Variants in DUS3L observed in about 807,000 individuals in gnomAD.
The protein encoded by DUS3L is tRNA-dihydrouridine(47) synthase [NAD(P)(+)]-like.
DUS3L carries 62 observed loss-of-function variants against 74.6 expected under a neutral mutation model. That is an observed-to-expected ratio of 0.83 (90% CI 0.68 to 1.03). The LOEUF (loss-of-function observed/expected upper bound fraction) is 1.03. Ranked by LOEUF, DUS3L falls within the 50% of genes least tolerant of loss-of-function variation. The probability of loss-of-function intolerance (pLI) is 0.00; values close to 1 mark genes in which losing one functional copy is unlikely to be tolerated. For missense variants in DUS3L, 884 were observed against 924.4 expected, an observed-to-expected ratio of 0.96 and a Z score of 0.57; for synonymous variants, 433 against 395.7, an observed-to-expected ratio of 1.09 and a Z score of -1.12.
Position 5,789,603 on chromosome 19 carries a change from G to T in DUS3L, c.504C>A (p.Phe168Leu), listed in dbSNP as rs371117601. 1 of 1,590,504 alleles carries T rather than the reference G, an allele frequency of 6.3e-7. No homozygotes were observed. Among genetic ancestry groups the T allele is most frequent in the South Asian group, 1.1e-5 (1 of 87,956 alleles). Residue 168 changes from phenylalanine (F) to leucine (L), a missense_variant, in exon 3 of 13, where the codon TTC becomes TTA. By Grantham distance (22) the Phe-to-Leu change is conservative (BLOSUM62 0). Coordinates refer to ENST00000309061, the MANE Select transcript of DUS3L (RefSeq NM_020175.3). ...LGPRCVLFET[F>L]GRCPYGVTCR... ...AGGTCACGCCGTAGGGGCACCGGCCGAAGGTCTCGAAGAGCACGCAGCGGG... is the reference window on the plus strand; with the variant it reads ...AGGTCACGCCGTAGGGGCACCGGCCTAAGGTCTCGAAGAGCACGCAGCGGG...
intron 1 of DUS3L, chr19:5,790,799 G>GGCCTGGCCTCAAATCCC: frequency 1.7e-6 from 1 of 593,674 alleles, no homozygotes; most frequent in Non-Finnish European, 3.0e-6. Context: ...ATGCAGCGCG[G>GGCCTGGCCTCAAATCCC]GCCTGGCCTC....
At chr19:5,787,935 G>A in intron 5 of DUS3L, 89 bp downstream of exon 5, 1 of 1,559,396 alleles carries the variant, frequency 6.4e-7, no homozygotes, top group Non-Finnish European at 8.6e-7. Flanking sequence ...AGGGGGTCAG[G>A]GAGGCAACCA....
At chr19:5,790,539 T>C (rs1481937592) in intron 1 of DUS3L, among the ~76,000 whole-genome samples, 1 of 152,096 alleles carries the variant, frequency 6.6e-6, no homozygotes, top group Non-Finnish European at 1.5e-5. Context: ...TCCAAAGTGT[T>C]GCGCGAAACT....
Position 5,787,149 on chromosome 19 carries a change from A to G in DUS3L, c.1301T>C (p.Val434Ala). 1 of 949,198 alleles carries G rather than the reference A, an allele frequency of 1.1e-6. No homozygotes were observed. The highest frequency in any genetic ancestry group is 1.2e-6 in the Non-Finnish European group (1 of 815,312). The allele number at this position is 949,198 out of a possible 1,614,324, so 58.8% of individuals were successfully genotyped here. A position where few individuals can be genotyped will look rare whatever the true frequency, so the allele number is the denominator to read the frequency against. The change falls in exon 8 of 13, where the codon GTG (valine) becomes GCG (alanine). Residue 434 changes from valine (V) to alanine (A), a missense_variant. Transcript: ENST00000309061. ...MNQVLDVPLTVKIRTGVQERV... is the reference protein window; with the variant it reads ...MNQVLDVPLTAKIRTGVQERV... ...CTCCTGGACGCCTGTGCGGATCTTC[A>G]CAGTCAGCGGCACATCCAGCACCTA...
Position 5,787,106 on chromosome 19 carries a change from G to A in DUS3L, c.1344C>T (p.His448=). ...TGVQERVNLA[H]RLLPELRDWG... ...AGTCCCGCAGCTCGGGCAGCAGGCG[G>A]TGCGCCAGGTTCACACGCTCCTGGA... Residue 448 remains histidine (H), a synonymous_variant, in exon 8 of 13, where the codon CAC becomes CAT. Transcript: ENST00000309061. 1 of 1,045,508 alleles carries A rather than the reference G, an allele frequency of 9.6e-7. No homozygotes were observed. Among genetic ancestry groups the A allele is most frequent in the Non-Finnish European group, 1.2e-6 (1 of 866,514 alleles). 64.8% of individuals were successfully genotyped at this position (1,045,508 alleles called of 1,614,324 possible).
At position 5,788,540 on chromosome 19, in the gene DUS3L, T is replaced by G. The variant is rs77833262; in HGVS notation, c.901-142A>C. On this transcript the variant is annotated intron_variant, in intron 3 of 12. Transcript: ENST00000309061. ...TTTGCTGGGCCTCTGCATGTGCCAA[T>G]CAATCCCTTCATCAGGAATGTTCCT... The G allele has an allele frequency of 7.1e-4, 594 of 838,886 alleles. 2 individuals are homozygous for G. The African/African-American group carries it at 9.3e-3, about 13-fold the overall frequency. 52.0% of individuals were successfully genotyped at this position (838,886 alleles called of 1,614,324 possible). A position where few individuals can be genotyped will look rare whatever the true frequency, so the allele number is the denominator to read the frequency against.
In DUS3L at chr19:5,789,288, G is replaced by C; in HGVS notation, c.819C>G (p.Thr273=). ...QQVPAGPGTS[T]PPSSPVRTCG... is the part of the protein sequence containing the mutation. ...AGGTCCGCACGGGGCTGCTGGGAGG[G>C]GTGCTAGTGCCCGGCCCTGCGGGGA... Residue 273 remains threonine, a synonymous_variant, in exon 3 of 13, where the codon ACC becomes ACG. Transcript: ENST00000309061. The C allele has an allele frequency of 1.3e-6, 2 of 1,597,518 alleles. No individual in the cohort carries two copies. Among genetic ancestry groups the C allele is most frequent in the South Asian group, 2.2e-5 (2 of 89,260 alleles).
In DUS3L at chr19:5,788,186, G is replaced by A. The variant is rs1555731193; in HGVS notation, c.943-10C>T. 5 of 1,613,200 alleles carry A rather than the reference G, an allele frequency of 3.1e-6. No individual in the cohort carries two copies. In the South Asian group the frequency reaches 4.4e-5, roughly 14 times the overall value. ...AGGGCAGGTTCCCACACTGCGGGGGGAGCAGGACAGACACACATGCTCTTG... is the reference window on the plus strand; with the variant it reads ...AGGGCAGGTTCCCACACTGCGGGGGAAGCAGGACAGACACACATGCTCTTG... On this transcript the variant is annotated splice_polypyrimidine_tract_variant and intron_variant, in intron 4 of 12. Transcript: ENST00000309061.
intron 2 of DUS3L, 30 bp downstream of exon 2, chr19:5,790,017 C>G: frequency 6.2e-7 from 1 of 1,607,074 alleles, no homozygotes; most frequent in South Asian, 1.1e-5. Flanking sequence ...CTGCCTGCCC[C>G]GGCAGGAATG....
Position 5,790,080 on chromosome 19 carries a change from G to A in DUS3L, c.354C>T (p.Tyr118=), listed in dbSNP as rs780204384. The change falls in exon 2 of 13, where the codon TAC becomes TAT. Residue 118 remains tyrosine (Y), a synonymous_variant. Coordinates refer to ENST00000309061, the MANE Select transcript of DUS3L (RefSeq NM_020175.3). The part of the protein sequence containing the change: ...KGRPHVKPTN[Y]DKNRLCPSLI... ...GGGAGGGACACAGCCTGTTCTTGTC[G>A]TAGTTCGTGGGCTTCACATGGGGCC... 53 of 1,614,016 alleles carry A rather than the reference G, an allele frequency of 3.3e-5. No individual in the cohort carries two copies. The highest frequency in any genetic ancestry group is 1.6e-4 in the Middle Eastern group (1 of 6,078).
chr19:5,787,415 C>G, intron 6 of DUS3L, 54 bp from the exon 7 acceptor site: 1 of 1,591,396 alleles, frequency 6.3e-7, no homozygotes, highest in Non-Finnish European at 8.6e-7. Flanking sequence ...ACCCAAGACC[C>G]CTCACCCCTG....
At chr19:5,786,644 C>T (rs759001698) in intron 9 of DUS3L, 102 bp from the exon 10 acceptor site, 24 of 1,573,532 alleles carry the variant, frequency 1.5e-5, no homozygotes, top group Non-Finnish European at 1.8e-5. Context: ...CAGTGGCTCC[C>T]ATCAGGGTGG....
In DUS3L at chr19:5,788,065, G is replaced by C; in HGVS notation, c.1054C>G (p.Leu352Val). The C allele has an allele frequency of 3.7e-6, 6 of 1,613,702 alleles. No homozygotes were observed. The highest frequency in any genetic ancestry group is 5.1e-6 in the Non-Finnish European group (6 of 1,180,016). Residue 352 changes from leucine (L) to valine (V), a missense_variant, in exon 5 of 13, where the codon CTA becomes GTA. Physicochemically the swap from Leu to Val is conservative, Grantham distance 32. Coordinates refer to ENST00000309061, the MANE Select transcript of DUS3L (RefSeq NM_020175.3). ...TCCTCACACTGGTGGCGTTTGAGTA[G>C]GGCCCACTCGGACATCTGGCCCTGC... is the stretch of plus-strand genomic sequence containing the variant. Reference protein sequence around the residue: ...LLQGQMSEWALLKRHQCEDIF... With the variant: ...LLQGQMSEWAVLKRHQCEDIF...
chr19:5,785,558 G>C, intron 11 of DUS3L, 45 bp downstream of exon 11: 1 of 1,563,796 alleles, frequency 6.4e-7, no homozygotes, highest in South Asian at 1.2e-5. Flanking sequence ...GCTCTAACCA[G>C]CCGCGGCCCA....
At position 5,787,648 on chromosome 19, in the gene DUS3L, C is replaced by A; in HGVS notation, c.1153G>T (p.Val385Leu). 6.2e-7 allele frequency: 1 copy of A among 1,613,860 alleles called. No homozygotes were observed. The highest frequency in any genetic ancestry group is 8.5e-7 in the Non-Finnish European group (1 of 1,179,984). ...TTGATGTCCACAAAGTCCACCTCCA[C>A]GGTGCGGCTCAGCAGCTCGGCACAC... is the stretch of plus-strand genomic sequence containing the variant. ...TKCAELLSRT[V>L]EVDFVDINVG... Residue 385 changes from valine to leucine, a missense_variant, in exon 6 of 13, where the codon GTG becomes TTG. Coordinates refer to ENST00000309061, the MANE Select transcript of DUS3L (RefSeq NM_020175.3).
chr19:5,788,478 C>T, intron 3 of DUS3L, 80 bp from the exon 4 acceptor site: 2 of 1,514,634 alleles, frequency 1.3e-6, no homozygotes, highest in Admixed American at 2.0e-5. Context: ...CTTCTACCCA[C>T]AGTCTAGGAC....
In DUS3L at chr19:5,788,151, A is replaced by G. The variant is rs138911071; in HGVS notation, c.968T>C (p.Ile323Thr). ...CACATCCGCCCCGAAGCGCTTGCAG[A>G]TCCGTCGGAAGGGCAGGTTCCCACA... ...TTCGNLPFRR[I>T]CKRFGADVTC... is the part of the protein sequence containing the mutation. The change falls in exon 5 of 13, where the codon ATC becomes ACC. Residue 323 changes from isoleucine to threonine, a missense_variant. Physicochemically the swap from Ile to Thr is moderately conservative, Grantham distance 89. Coordinates refer to ENST00000309061, the MANE Select transcript of DUS3L (RefSeq NM_020175.3). 53 of 1,613,352 alleles carry G rather than the reference A, an allele frequency of 3.3e-5. No individual in the cohort carries two copies. In the African/African-American group the frequency reaches 6.0e-4, roughly 18 times the overall value.
rs994242512 is a variant in DUS3L at position 5,787,516 on chromosome 19, C to T, written c.1212+73G>A. On this transcript the variant is annotated intron_variant, in intron 6 of 12. Transcript: ENST00000309061. ...TGAGCCCAAACCCCTGACCCTCCACCGAGACATCGCCGGCTGGGTCAGTGC... is the reference window on the plus strand; with the variant it reads ...TGAGCCCAAACCCCTGACCCTCCACTGAGACATCGCCGGCTGGGTCAGTGC... 5.8e-5 allele frequency: 91 copies of T among 1,559,896 alleles called. 1 individual carries two copies. The Admixed American group carries it at 1.1e-3, about 18-fold the overall frequency.
intron 5 of DUS3L, 114 bp from the exon 6 acceptor site, chr19:5,787,819 C>T (rs2056869021): frequency 1.4e-6 from 2 of 1,461,358 alleles, no homozygotes; most frequent in Non-Finnish European, 1.9e-6. Flanking sequence ...CTCTCGGGGC[C>T]TCCCCGGAAG....
Sources: gnomAD v4.1 joint callset for allele counts (sites outside exome capture counted in the v4.1 genomes callset) on GRCh38, gnomAD v4.1.1 for gene constraint, MANE v1.5 for transcripts, NCBI Gene and HGNC (gene_info 2026-07-23, HGNC 2026-07-21) for gene names.